The following DMD variants were observed in gnomAD, a reference collection of about 807,000 sequenced individuals.
DMD encodes mutant dystrophin.
DMD carries 63 observed loss-of-function variants against 330.1 expected under a neutral mutation model. The ratio of observed to expected loss-of-function variants is 0.19; its 90% CI spans 0.16 to 0.24. The LOEUF (loss-of-function observed/expected upper bound fraction) is 0.24. Among genes scored for constraint, DMD ranks in the 10% least tolerant of loss-of-function variants. The pLI, the probability that DMD is intolerant of heterozygous loss-of-function variation, is 1.00. For synonymous variants in DMD, 1,223 were observed against 959.8 expected (o/e 1.27, Z -5.07); for missense variants, 3,344 against 2,684.1 (o/e 1.25, Z -5.43).
intron 1 of DMD, among the ~76,000 whole-genome samples, chrX:33,209,303 G>T (rs982418199): frequency 9.0e-6 from 1 of 110,881 alleles, no homozygotes; most frequent in African/African-American, 3.3e-5. Flanking sequence ...TCTCTTTTTC[G>T]TAGTTAAGAT....
intron 9 of DMD, among the ~76,000 whole-genome samples, chrX:32,667,154 A>T (rs986450240): frequency 9.0e-6 from 1 of 111,576 alleles, no homozygotes; most frequent in African/African-American, 3.3e-5. Context: ...TACACTAAGA[A>T]TTTAAACCTT....
At chrX:31,445,716 T>C (rs1343590327) in intron 59 of DMD, among the ~76,000 whole-genome samples, 2 of 111,418 alleles carry the variant, frequency 1.8e-5, no homozygotes, top group South Asian at 7.6e-4. Context: ...CAGCTGTCTT[T>C]GAAGCACTAG....
At chrX:32,334,740 T>G (rs1474305692) in intron 41 of DMD, among the ~76,000 whole-genome samples, 1 of 111,775 alleles carries the variant, frequency 8.9e-6, no homozygotes, top group Non-Finnish European at 1.9e-5. Flanking sequence ...GAAATCAAAT[T>G]TCCCTTTTCT....
chrX:31,631,705 T>C (rs1446346903), intron 54 of DMD, among the ~76,000 whole-genome samples: 2 of 111,860 alleles, frequency 1.8e-5, no homozygotes, highest in African/African-American at 3.2e-5. Flanking sequence ...TCTCAGAATC[T>C]GCTTTCTGGG....
intron 7 of DMD, among the ~76,000 whole-genome samples, chrX:32,763,775 CAT>C (rs899547801): frequency 5.4e-5 from 6 of 111,622 alleles, no homozygotes; most frequent in Non-Finnish European, 9.4e-5. Flanking sequence ...GCGATAAAAA[CAT>C]GTCTCTATTG....
At chrX:33,093,254 C>A (rs1282756965) in intron 1 of DMD, among the ~76,000 whole-genome samples, 2 of 112,134 alleles carry the variant, frequency 1.8e-5, no homozygotes, top group Admixed American at 9.5e-5. Context: ...GCTCTTTACT[C>A]CAACAGAATA....
intron 1 of DMD, among the ~76,000 whole-genome samples, chrX:33,056,546 G>C (rs1378953268): frequency 1.8e-5 from 2 of 109,267 alleles, no homozygotes; most frequent in Non-Finnish European, 3.8e-5. Flanking sequence ...ATTTTTAGTA[G>C]AGACGGGGTT....
chrX:32,257,361 C>A (rs926279430), intron 43 of DMD, among the ~76,000 whole-genome samples: 1 of 111,478 alleles, frequency 9.0e-6, no homozygotes, highest in African/African-American at 3.3e-5. Flanking sequence ...ATAGCCAAGA[C>A]AATCCTAAGT....
chrX:32,031,413 T>C (rs2095881864), intron 44 of DMD, among the ~76,000 whole-genome samples: 1 of 111,273 alleles, frequency 9.0e-6, no homozygotes, highest in Non-Finnish European at 1.9e-5. Context: ...CTGAGGTATA[T>C]GCTTTATTCC....
At chrX:31,691,772 C>T (rs1426039779) in intron 52 of DMD, among the ~76,000 whole-genome samples, 2 of 111,716 alleles carry the variant, frequency 1.8e-5, no homozygotes, top group African/African-American at 3.2e-5. Flanking sequence ...AATCAGAGCA[C>T]CTAAATATAT....
chrX:32,373,546 C>G (rs1381782655), intron 34 of DMD, among the ~76,000 whole-genome samples: 3 of 111,877 alleles, frequency 2.7e-5, no homozygotes, highest in Non-Finnish European at 5.6e-5. Flanking sequence ...GTCTTATGTA[C>G]AGACACTGAC....
intron 41 of DMD, among the ~76,000 whole-genome samples, chrX:32,335,479 T>C (rs191956406): frequency 1.0e-5 from 1 of 96,619 alleles, no homozygotes; most frequent in Non-Finnish European, 2.1e-5. Context: ...AACATGTATT[T>C]ATAACATTTA....
chrX:31,192,398 G>C (rs1044360057), intron 67 of DMD, among the ~76,000 whole-genome samples: 4 of 112,186 alleles, frequency 3.6e-5, no homozygotes, highest in African/African-American at 9.7e-5. Flanking sequence ...ATTTACATGA[G>C]GTTGTACACA....
chrX:31,402,257 A>G (rs1396612690), intron 60 of DMD, among the ~76,000 whole-genome samples: 1 of 112,172 alleles, frequency 8.9e-6, no homozygotes, highest in African/African-American at 3.2e-5. Flanking sequence ...CTGTAGCTTC[A>G]TAATCAACTG....
intron 60 of DMD, among the ~76,000 whole-genome samples, chrX:31,393,492 C>CAAAAAAAAAAAAAAAAAAAAAAAA (rs1308905111): frequency 2.8e-5 from 2 of 72,427 alleles, no homozygotes; most frequent in Non-Finnish European, 2.4e-5. Context: ...AAAAAAAAAA[C>CAAAAAAAAAAAAAAAAAAAAAAAA]AAAAAAAAAA....
chrX:32,190,194 G>C (rs149991809), intron 44 of DMD, among the ~76,000 whole-genome samples: 57 of 110,874 alleles, frequency 5.1e-4, no homozygotes, highest in African/African-American at 1.8e-3. Context: ...CCACAACAAA[G>C]ATGTATTTGG....
At chrX:31,573,179 T>G (rs957950701) in intron 55 of DMD, among the ~76,000 whole-genome samples, 1 of 111,967 alleles carries the variant, frequency 8.9e-6, no homozygotes, top group Non-Finnish European at 1.9e-5. Context: ...GCTAGAATTC[T>G]TTATAGCCTT....
At chrX:31,380,477 G>A (rs1298969741) in intron 60 of DMD, among the ~76,000 whole-genome samples, 2 of 110,131 alleles carry the variant, frequency 1.8e-5, no homozygotes, top group African/African-American at 3.3e-5. Context: ...CCCTTACTCC[G>A]CTCAATGCCA....
At chrX:31,155,100 G>A (rs1224697031) in intron 74 of DMD, among the ~76,000 whole-genome samples, 2 of 112,419 alleles carry the variant, frequency 1.8e-5, no homozygotes, top group Non-Finnish European at 3.8e-5. Flanking sequence ...AAATTGGCAA[G>A]GCTTGTTCCC....
Sources: gnomAD v4.1 joint callset for allele counts (sites outside exome capture counted in the v4.1 genomes callset) on GRCh38, gnomAD v4.1.1 for gene constraint, MANE v1.5 for transcripts, NCBI Gene and HGNC (gene_info 2026-07-23, HGNC 2026-07-21) for gene names.